Variants in CEP170 observed in about 807,000 individuals in gnomAD.
CEP170 encodes centrosomal protein of 170 kDa.
In CEP170, 21 loss-of-function variants were observed where a neutral mutation model predicts 151.9. The ratio of observed to expected loss-of-function variants is 0.14; its 90% CI spans 0.10 to 0.20. The LOEUF is 0.20. CEP170 is among the 10% of genes least tolerant of loss of function. The pLI is 1.00. For missense variants in CEP170, 964 were observed against 1,892.9 expected (o/e 0.51, Z 9.11); for synonymous variants, 356 against 648.8 (o/e 0.55, Z 6.86).
intron 12 of CEP170, chr1:243,168,337 G>A (rs908713254): frequency 8.6e-5 from 13 of 151,974 alleles, no homozygotes; most frequent in African/African-American, 2.2e-4. Flanking sequence ...ATTTTCAACC[G>A]GAATGAAATT....
At chr1:243,183,097 G>C (rs991437646) in intron 10 of CEP170, among the ~76,000 whole-genome samples, 2 of 151,700 alleles carry the variant, frequency 1.3e-5, no homozygotes, top group African/African-American at 4.9e-5. Context: ...TAAAGTCTTG[G>C]TTTTTGTCTG....
intron 7 of CEP170, among the ~76,000 whole-genome samples, chr1:243,195,397 A>G (rs2060578331): frequency 6.6e-6 from 1 of 152,078 alleles, no homozygotes; most frequent in Non-Finnish European, 1.5e-5. Context: ...ACGATTAAAA[A>G]TAGTCACACA....
At chr1:243,247,940 G>T (rs2065576848) in intron 1 of CEP170, among the ~76,000 whole-genome samples, 1 of 152,180 alleles carries the variant, frequency 6.6e-6, no homozygotes, top group Non-Finnish European at 1.5e-5. Flanking sequence ...CTCTGAGGTA[G>T]CTGGACTATC....
chr1:243,196,551 G>A (rs1451797825), intron 7 of CEP170, among the ~76,000 whole-genome samples: 3 of 152,082 alleles, frequency 2.0e-5, no homozygotes, highest in Admixed American at 6.6e-5. Flanking sequence ...GAAGTTACGC[G>A]CTTCAGATTT....
Position 243,185,510 on chromosome 1 carries a change from C to T in CEP170, c.1566+269G>A, listed in dbSNP as rs2059886867. 6.6e-6 allele frequency among the ~76,000 whole-genome samples: 1 copy of T among 152,150 alleles called. No homozygotes were observed. The highest frequency in any genetic ancestry group is 1.5e-5 in the Non-Finnish European group (1 of 68,032). ...TGTCCAAAGCATACTATTTTTAAAA[C>T]CTATCTTTAATTTACACAAATTTAA... On this transcript the variant is annotated intron_variant, in intron 10 of 19. Transcript: ENST00000366542. This position sits in a 1 kb window ranked among gnomAD's most constrained non-coding sequence, Gnocchi z 4.9.
At chr1:243,226,625 T>C (rs1302170470) in intron 1 of CEP170, among the ~76,000 whole-genome samples, 1 of 152,190 alleles carries the variant, frequency 6.6e-6, no homozygotes, top group East Asian at 1.9e-4. Flanking sequence ...TAAGCAGTAA[T>C]TTCTTGAAGG....
chr1:243,194,100 C>G (rs1313675178), intron 7 of CEP170, among the ~76,000 whole-genome samples: 1 of 151,652 alleles, frequency 6.6e-6, no homozygotes, highest in East Asian at 1.9e-4. Flanking sequence ...GAGGTTTTTA[C>G]TATTTACTCA....
intron 10 of CEP170, among the ~76,000 whole-genome samples, chr1:243,174,863 A>C (rs1467304681): frequency 6.6e-6 from 1 of 152,342 alleles, no homozygotes. Flanking sequence ...AAAGCAAATT[A>C]TAGCTATTCA....
chr1:243,225,275 G>A lies in CEP170; in HGVS notation c.6C>T (p.Ser2=), dbSNP rs762057638. The stretch of plus-strand genomic sequence containing the variant: ...TGCTCACCAAAAACCAGGATGTTAA[G>A]CTCATTTTCTGCTTAGCTTCTAAGT... M[S]LTSWFLVSSG... Residue 2 remains serine (S), a synonymous_variant, in exon 2 of 20, where the codon AGC becomes AGT. Transcript: ENST00000366542. The A allele has an allele frequency of 1.3e-6, 2 of 1,585,628 alleles. No homozygotes were observed. The highest frequency in any genetic ancestry group is 1.2e-5 in the South Asian group (1 of 85,884).
At chr1:243,196,774 T>G (rs1259495193) in intron 7 of CEP170, among the ~76,000 whole-genome samples, 1 of 152,210 alleles carries the variant, frequency 6.6e-6, no homozygotes, top group African/African-American at 2.4e-5. Context: ...CATGTATAGT[T>G]TAGCTGTGGG....
intron 14 of CEP170, among the ~76,000 whole-genome samples, chr1:243,150,428 G>A (rs944544521): frequency 1.3e-5 from 2 of 152,210 alleles, no homozygotes; most frequent in African/African-American, 4.8e-5. Context: ...GGGATTACAG[G>A]CGTGAGCCAC....
chr1:243,159,000 G>T (rs2057816150), intron 13 of CEP170, among the ~76,000 whole-genome samples: 1 of 152,142 alleles, frequency 6.6e-6, no homozygotes, highest in South Asian at 2.1e-4. Context: ...CCTGGAGTCG[G>T]AGGGTGCAGT....
At chr1:243,182,971 CTTTT>C (rs201854768) in intron 10 of CEP170, among the ~76,000 whole-genome samples, 1 of 143,840 alleles carries the variant, frequency 7.0e-6, no homozygotes. Context: ...ACAGTGACTA[CTTTT>C]TTTTTTTTTT....
chr1:243,180,687 C>G (rs2059565724), intron 10 of CEP170, among the ~76,000 whole-genome samples: 1 of 152,168 alleles, frequency 6.6e-6, no homozygotes, highest in Non-Finnish European at 1.5e-5. Context: ...CATCTTAAAT[C>G]TTGCTGTGAC....
chr1:243,172,972 A>G (rs1223810362), intron 10 of CEP170, 126 bp from the exon 11 acceptor site: 13 of 1,098,152 alleles, frequency 1.2e-5, no homozygotes, highest in Non-Finnish European at 1.5e-5. Flanking sequence ...GTTAATTTCA[A>G]AACTAAGGAA....
chr1:243,240,146 A>C (rs955819413), intron 1 of CEP170, among the ~76,000 whole-genome samples: 2 of 152,172 alleles, frequency 1.3e-5, no homozygotes, highest in Admixed American at 1.3e-4. Context: ...CCCTGTTTCT[A>C]CTACAAATAC....
chr1:243,193,724 G>T (rs2060462119), intron 7 of CEP170, among the ~76,000 whole-genome samples: 2 of 151,958 alleles, frequency 1.3e-5, no homozygotes, highest in Admixed American at 1.3e-4. Flanking sequence ...AGCAGACTAT[G>T]ATCTGATGAT....
chr1:243,220,616 A>G (rs758493055), intron 3 of CEP170, among the ~76,000 whole-genome samples: 4 of 152,236 alleles, frequency 2.6e-5, no homozygotes, highest in Non-Finnish European at 5.9e-5. Context: ...TGTTTGATGT[A>G]CATTTGAAAA....
chr1:243,219,373 C>T (rs921173427), intron 3 of CEP170, among the ~76,000 whole-genome samples: 2 of 152,156 alleles, frequency 1.3e-5, no homozygotes, highest in African/African-American at 4.8e-5. Flanking sequence ...AGTGATTTGT[C>T]CCAGGTTACA....
Sources: allele counts gnomAD v4.1 joint callset (sites outside exome capture counted in the v4.1 genomes callset), GRCh38; gene constraint gnomAD v4.1.1; non-coding constraint Gnocchi (gnomAD v3.1); transcripts MANE v1.5; gene names NCBI Gene and HGNC (gene_info 2026-07-23, HGNC 2026-07-21).